Variants in LRRIQ1 observed in about 807,000 individuals in gnomAD.
LRRIQ1 encodes leucine rich repeats and IQ motif containing 1.
Under a neutral mutation model 211.9 loss-of-function variants are expected in LRRIQ1, and 210 were observed. The observed-to-expected ratio is 0.99, with a 90% CI of 0.89 to 1.11. LRRIQ1 has a LOEUF of 1.11. Among genes scored for constraint, LRRIQ1 ranks in the 50% most tolerant of loss-of-function variants. LRRIQ1 has a pLI of 0.00. For missense variants in LRRIQ1, 2,136 were observed against 1,939.5 expected (o/e 1.10, Z -1.90); for synonymous variants, 699 against 650.1 (o/e 1.08, Z -1.14).
Position 85,068,750 on chromosome 12 carries a change from T to C in LRRIQ1, c.2695+1852T>C, listed in dbSNP as rs78762084. Among the ~76,000 whole-genome samples, 693 of 151,272 alleles carry C rather than the reference T, an allele frequency of 4.6e-3. 7 individuals carry two copies. The highest frequency in any genetic ancestry group is 0.034 in the East Asian group (173 of 5,122). On this transcript the variant is annotated intron_variant, in intron 10 of 26. Transcript: ENST00000393217. ...AGTATATATTACATTTATCTAGGTCTTTGAAGTCCCTTTAAATCTGCAGCA... is the reference window on the plus strand; with the variant it reads ...AGTATATATTACATTTATCTAGGTCCTTGAAGTCCCTTTAAATCTGCAGCA...
At chr12:85,143,980 C>T (rs182677869) in intron 19 of LRRIQ1, among the ~76,000 whole-genome samples, 1 of 151,392 alleles carries the variant, frequency 6.6e-6, no homozygotes, top group African/African-American at 2.4e-5. Flanking sequence ...AATTACGTGT[C>T]GTGGGGTTTG....
At position 85,066,808 on chromosome 12, in the gene LRRIQ1, A is replaced by C. The variant is rs1882486738; in HGVS notation, c.2605A>C (p.Asn869His). 3.1e-6 allele frequency: 5 copies of C among 1,599,020 alleles called. No homozygotes were observed. The highest frequency in any genetic ancestry group is 1.7e-4 in the Middle Eastern group (1 of 6,000). ...NLENLCVVLL[N>H]KNQLTSLHGL... Reference sequence around the variant, plus strand: ...GGAAAATCTCTGTGTTGTTCTTCTTAATAAAAATCAACTGACTTCTCTTCA... The same window carrying C: ...GGAAAATCTCTGTGTTGTTCTTCTTCATAAAAATCAACTGACTTCTCTTCA... The change falls in exon 10 of 27, where the codon AAT becomes CAT. Residue 869 changes from asparagine (N) to histidine (H), a missense_variant. Coordinates refer to ENST00000393217, the MANE Select transcript of LRRIQ1 (RefSeq NM_001079910.2).
chr12:85,208,056 T>C (rs1893650061), intron 24 of LRRIQ1, among the ~76,000 whole-genome samples: 1 of 151,908 alleles, frequency 6.6e-6, no homozygotes, highest in Non-Finnish European at 1.5e-5. Flanking sequence ...GACAAAGTTT[T>C]ATATATATAC....
intron 24 of LRRIQ1, among the ~76,000 whole-genome samples, chr12:85,197,901 TA>T (rs1218694802): frequency 1.6e-5 from 2 of 124,646 alleles, no homozygotes; most frequent in African/African-American, 6.1e-5. Context: ...AAAAATATAA[TA>T]AAATATATAA....
At chr12:85,100,909 T>C (rs1384505405) in intron 13 of LRRIQ1, among the ~76,000 whole-genome samples, 1 of 151,794 alleles carries the variant, frequency 6.6e-6, no homozygotes, top group Non-Finnish European at 1.5e-5. Flanking sequence ...TTTATGCTCT[T>C]ACATGTGAAA....
At chr12:85,125,786 C>T (rs1042666943) in intron 17 of LRRIQ1, among the ~76,000 whole-genome samples, 2 of 152,172 alleles carry the variant, frequency 1.3e-5, no homozygotes, top group African/African-American at 2.4e-5. Context: ...ACACTTCAAA[C>T]GTTGCCTATT....
At chr12:85,243,844 G>T (rs1895589334) in intron 26 of LRRIQ1, among the ~76,000 whole-genome samples, 1 of 151,414 alleles carries the variant, frequency 6.6e-6, no homozygotes, top group African/African-American at 2.4e-5. Context: ...TTGGATACTA[G>T]CTCCTTGAGT....
chr12:85,064,596 A>G (rs1321008894), intron 8 of LRRIQ1, among the ~76,000 whole-genome samples: 2 of 151,782 alleles, frequency 1.3e-5, no homozygotes, highest in Non-Finnish European at 2.9e-5. Flanking sequence ...ATATTTGCCC[A>G]GTCCTGTGTC....
At chr12:85,235,145 A>C (rs1010494706) in intron 26 of LRRIQ1, among the ~76,000 whole-genome samples, 6 of 152,230 alleles carry the variant, frequency 3.9e-5, no homozygotes, top group African/African-American at 1.4e-4. Context: ...TTCAAGGAAG[A>C]GCAAAGCATA....
intron 19 of LRRIQ1, among the ~76,000 whole-genome samples, chr12:85,138,949 T>G (rs1447038645): frequency 1.3e-5 from 2 of 151,516 alleles, no homozygotes; most frequent in Non-Finnish European, 3.0e-5. Flanking sequence ...TTCTAGTTAA[T>G]TTTTTGCAGC....
intron 24 of LRRIQ1, among the ~76,000 whole-genome samples, chr12:85,201,043 C>T (rs1315685924): frequency 6.6e-6 from 1 of 151,578 alleles, no homozygotes; most frequent in Non-Finnish European, 1.5e-5. Context: ...GTTGGCCAGG[C>T]TGGTCTTGAA....
rs527400959 is a variant in LRRIQ1, at chr12:85,087,405, T to C, written c.2888-10950T>C. On this transcript the variant is annotated intron_variant, in intron 11 of 26. Coordinates refer to ENST00000393217, the MANE Select transcript of LRRIQ1 (RefSeq NM_001079910.2). ...TGTGAATAGTGCCGCAATAAACATA[T>C]GTGTGCATGTGTCTTTATAGCAGCA... Among the ~76,000 whole-genome samples, 55 of 152,276 alleles carry C rather than the reference T, an allele frequency of 3.6e-4. 1 individual carries two copies. The South Asian group carries it at 0.01, about 28-fold the overall frequency.
rs781705290 is a variant in LRRIQ1, at chr12:85,121,693, A to G, written c.3378-4A>G. On this transcript the variant is annotated splice_region_variant and splice_polypyrimidine_tract_variant and intron_variant, in intron 15 of 26. Coordinates refer to ENST00000393217, the MANE Select transcript of LRRIQ1 (RefSeq NM_001079910.2). ...ATTATTAACTTTTTTGTTGTTTTCAATAGGGATTCTCTACTTAAAGTGTTG... is the reference window on the plus strand; with the variant it reads ...ATTATTAACTTTTTTGTTGTTTTCAGTAGGGATTCTCTACTTAAAGTGTTG... The G allele has an allele frequency of 2.2e-5, 34 of 1,559,350 alleles. No homozygotes were observed. Among genetic ancestry groups the G allele is most frequent in the South Asian group, 1.4e-4 (11 of 81,262 alleles).
chr12:85,124,994 C>A (rs908476125), intron 17 of LRRIQ1: 56 of 163,244 alleles, frequency 3.4e-4, no homozygotes, highest in Non-Finnish European at 5.6e-4. Context: ...CTGGCTAACA[C>A]GGTGAAACCC....
Position 85,137,943 on chromosome 12 carries a change from G to T in LRRIQ1, c.4303G>T (p.Asp1435Tyr). ...ATCCGATGAAGAATACAGAGAAATA[G>T]ATTTAGAGGATTTTATATTTGATGA... ...EESDEEYREI[D>Y]LEDFIFDEAA... Residue 1435 changes from aspartate (D) to tyrosine (Y), a missense_variant, in exon 19 of 27, where the codon GAT becomes TAT. Coordinates refer to ENST00000393217, the MANE Select transcript of LRRIQ1 (RefSeq NM_001079910.2). 1 of 1,474,138 alleles carries T rather than the reference G, an allele frequency of 6.8e-7. No individual in the cohort carries two copies. The allele number at this position is 1,474,138 out of a possible 1,614,324, so 91.3% of individuals were successfully genotyped here.
chr12:85,072,758 A>G lies in LRRIQ1; in HGVS notation c.2696-149A>G, dbSNP rs555502924. 22 of 429,218 alleles carry G rather than the reference A, an allele frequency of 5.1e-5. No homozygotes were observed. In the South Asian group the frequency reaches 2.4e-3, roughly 48 times the overall value. 26.6% of individuals were successfully genotyped at this position (429,218 alleles called of 1,614,324 possible). A position where few individuals can be genotyped will look rare whatever the true frequency, so the allele number is the denominator to read the frequency against. On this transcript the variant is annotated intron_variant, in intron 10 of 26. Coordinates refer to ENST00000393217, the MANE Select transcript of LRRIQ1 (RefSeq NM_001079910.2). ...CATCTTTTTTATTTTTAACCTTTTG[A>G]ATCAAGTTTAGACATTTATTTTTAT...
intron 24 of LRRIQ1, among the ~76,000 whole-genome samples, chr12:85,196,880 G>A (rs1334655077): frequency 6.6e-6 from 1 of 152,080 alleles, no homozygotes; most frequent in Admixed American, 6.6e-5. Flanking sequence ...TACCATCAGA[G>A]TCAACAGGCA....
At chr12:85,242,161 A>G (rs942226828) in intron 26 of LRRIQ1, among the ~76,000 whole-genome samples, 1 of 151,976 alleles carries the variant, frequency 6.6e-6, no homozygotes, top group Non-Finnish European at 1.5e-5. Context: ...CATTAACTTG[A>G]GATTATTATA....
At chr12:85,115,534 A>G (rs1887509238) in intron 15 of LRRIQ1, among the ~76,000 whole-genome samples, 1 of 152,228 alleles carries the variant, frequency 6.6e-6, no homozygotes, top group Non-Finnish European at 1.5e-5. Context: ...TATAAAGGTG[A>G]TAAACATAAC....
Sources: gnomAD v4.1 joint callset for allele counts (sites outside exome capture counted in the v4.1 genomes callset) on GRCh38, gnomAD v4.1.1 for gene constraint, MANE v1.5 for transcripts, NCBI Gene and HGNC (gene_info 2026-07-23, HGNC 2026-07-21) for gene names.